CELF2: variants seen among roughly 807,000 people sequenced by gnomAD.
CELF2 encodes CUGBP Elav-like family member 2.
CELF2 carries 8 observed loss-of-function variants against 62.6 expected under a neutral mutation model. The ratio of observed to expected loss-of-function variants is 0.13; its 90% CI spans 0.07 to 0.23. The LOEUF (loss-of-function observed/expected upper bound fraction) is 0.23, where lower values mean the gene tolerates loss of function less well. CELF2 is among the 10% of genes least tolerant of loss of function. CELF2 has a pLI of 1.00. For synonymous variants in CELF2, 258 were observed against 250.0 expected (o/e 1.03, Z -0.30); for missense variants, 333 against 671.0 (o/e 0.50, Z 5.56).
rs2054778597 is a variant in CELF2 at position 11,110,240 on chromosome 10, C to T, written c.75-55246C>T. 1.3e-5 allele frequency among the ~76,000 whole-genome samples: 2 copies of T among 152,042 alleles called. No individual in the cohort carries two copies. Among genetic ancestry groups the T allele is most frequent in the South Asian group, 2.1e-4 (1 of 4,824 alleles). ...ATGGAACCCTGAACGTCCTACCGCA[C>T]TCCAGCATGGGCGACAGAGCAAGAC... On this transcript the variant is annotated intron_variant, in intron 1 of 12. Transcript: ENST00000633077. This position sits in a 1 kb window ranked among gnomAD's most constrained non-coding sequence, Gnocchi z 4.0.
intron 1 of CELF2, among the ~76,000 whole-genome samples, chr10:11,020,588 G>A (rs568503668): frequency 2.0e-4 from 30 of 152,244 alleles, no homozygotes; most frequent in African/African-American, 6.3e-4. Flanking sequence ...AATTGCAGTC[G>A]GCTAGATATT....
chr10:10,754,065 T>G, the CELF2 span, among the ~76,000 whole-genome samples: 50 of 148,638 alleles, frequency 3.4e-4, no homozygotes, highest in African/African-American at 9.1e-4. Flanking sequence ...GAGGTGGTTT[T>G]TTTTTTTTTT....
At chr10:10,729,433 G>T in the CELF2 span, among the ~76,000 whole-genome samples, 2 of 152,158 alleles carry the variant, frequency 1.3e-5, no homozygotes, top group Non-Finnish European at 2.9e-5. Flanking sequence ...AGGATAATTT[G>T]TGTTATGTTT....
At chr10:10,693,840 G>A in the CELF2 span, among the ~76,000 whole-genome samples, 934 of 151,266 alleles carry the variant, frequency 6.2e-3, 10 homozygotes, top group African/African-American at 0.021. Flanking sequence ...TTGTATTTCC[G>A]TGGGATCAGT....
At chr10:10,919,077 C>A (rs1328529802) in intron 1 of CELF2, among the ~76,000 whole-genome samples, 1 of 152,038 alleles carries the variant, frequency 6.6e-6, no homozygotes, top group South Asian at 2.1e-4. Context: ...TCGAGACTAG[C>A]CTGGTCAACG....
the CELF2 span, among the ~76,000 whole-genome samples, chr10:10,616,948 A>G: frequency 1.3e-5 from 2 of 151,926 alleles, no homozygotes; most frequent in Admixed American, 1.3e-4. Context: ...GTAGAGACAT[A>G]GTCTCGCTAT....
At chr10:10,686,763 T>C in the CELF2 span, among the ~76,000 whole-genome samples, 1 of 152,146 alleles carries the variant, frequency 6.6e-6, no homozygotes, top group African/African-American at 2.4e-5. Flanking sequence ...TAAACCTCTT[T>C]TCTTTATAAA....
rs1225764468 is a variant in CELF2 at position 11,178,315 on chromosome 10, C to A, written c.271+12633C>A. 1.3e-5 allele frequency among the ~76,000 whole-genome samples: 2 copies of A among 152,186 alleles called. No homozygotes were observed. Among genetic ancestry groups the A allele is most frequent in the Non-Finnish European group, 2.9e-5 (2 of 68,034 alleles). Reference sequence around the variant, plus strand: ...AGGCCACCATACAGCTGCCAGGTGGCGCTGGCTCTTAGCTGTTCTGCAAGT... The same window carrying A: ...AGGCCACCATACAGCTGCCAGGTGGAGCTGGCTCTTAGCTGTTCTGCAAGT... On this transcript the variant is annotated intron_variant, in intron 2 of 12. Transcript: ENST00000633077. The surrounding 1 kb of genome is among the most constrained non-coding windows in gnomAD (Gnocchi z 4.3).
the CELF2 span, among the ~76,000 whole-genome samples, chr10:10,612,440 TTG>T: frequency 1.3e-5 from 2 of 152,172 alleles, no homozygotes; most frequent in African/African-American, 4.8e-5. Flanking sequence ...GTTAAGAATT[TTG>T]TGTGTCAAGA....
At chr10:10,875,477 T>C (rs749179514) in intron 1 of CELF2, among the ~76,000 whole-genome samples, 1 of 152,242 alleles carries the variant, frequency 6.6e-6, no homozygotes, top group Non-Finnish European at 1.5e-5. Flanking sequence ...TAAAAATTGA[T>C]ACACAATCTT....
chr10:10,802,028 G>C (rs901508283), intron 1 of CELF2, among the ~76,000 whole-genome samples: 8 of 152,142 alleles, frequency 5.3e-5, no homozygotes, highest in South Asian at 2.1e-4. Flanking sequence ...TTCACCAAAA[G>C]ACATGCCAAT....
At chr10:10,507,055 T>G in the CELF2 span, among the ~76,000 whole-genome samples, 1 of 152,124 alleles carries the variant, frequency 6.6e-6, no homozygotes, top group Non-Finnish European at 1.5e-5. Context: ...TTGGGGTGTT[T>G]AGTTCTCAGT....
intron 1 of CELF2, among the ~76,000 whole-genome samples, chr10:10,914,531 G>T (rs1325405851): frequency 1.3e-5 from 2 of 152,128 alleles, no homozygotes; most frequent in African/African-American, 2.4e-5. Flanking sequence ...GGGGACACTT[G>T]TCTGCTATCT....
Position 10,910,055 on chromosome 10 carries a change from C to G in CELF2, c.54-9909C>G, listed in dbSNP as rs148189651. The stretch of plus-strand genomic sequence containing the variant: ...GGTATTTGCAAATCCCTCTTTGATC[C>G]AGAAATTATCAAGAGTAGAGATGAT... On this transcript the variant is annotated intron_variant, in intron 1 of 13. Coordinates refer to the CELF2 transcript ENST00000636488. 5.4e-3 allele frequency among the ~76,000 whole-genome samples: 829 copies of G among 152,224 alleles called. 1 individual carries two copies. Among genetic ancestry groups the G allele is most frequent in the Non-Finnish European group, 6.9e-3 (472 of 68,012 alleles).
chr10:10,679,671 T>C, the CELF2 span, among the ~76,000 whole-genome samples: 1 of 152,218 alleles, frequency 6.6e-6, no homozygotes, highest in Non-Finnish European at 1.5e-5. Flanking sequence ...TGAACTCTCA[T>C]ATATCCATCT....
At position 11,260,388 on chromosome 10, in the gene CELF2, A is replaced by G. The variant is rs1264529117; in HGVS notation, c.538+2516A>G. The stretch of plus-strand genomic sequence containing the variant: ...AGTAATGAACAGGATTGCCGCCTGC[A>G]GCGTTCAGAGCTCCTTGAGCATACA... On this transcript the variant is annotated intron_variant, in intron 5 of 12. Transcript: ENST00000633077. This position sits in a 1 kb window ranked among gnomAD's most constrained non-coding sequence, Gnocchi z 4.2. 1.3e-5 allele frequency among the ~76,000 whole-genome samples: 2 copies of G among 152,248 alleles called. No individual in the cohort carries two copies. Among genetic ancestry groups the G allele is most frequent in the African/African-American group, 4.8e-5 (2 of 41,466 alleles).
At chr10:11,234,102 G>A (rs963862403) in intron 3 of CELF2, among the ~76,000 whole-genome samples, 6 of 152,198 alleles carry the variant, frequency 3.9e-5, no homozygotes, top group Admixed American at 6.5e-5. Flanking sequence ...TGTATGATAC[G>A]AGACACACAT....
chr10:10,961,093 T>C (rs773195988), intron 2 of CELF2, among the ~76,000 whole-genome samples: 3 of 152,230 alleles, frequency 2.0e-5, no homozygotes, highest in Admixed American at 6.5e-5. Flanking sequence ...TAATATTTTT[T>C]GGGTCAGAAA....
intron 9 of CELF2, among the ~76,000 whole-genome samples, chr10:11,294,227 T>C (rs2092883135): frequency 6.6e-6 from 1 of 152,214 alleles, no homozygotes; most frequent in Non-Finnish European, 1.5e-5. Context: ...TACTCTAATG[T>C]GTGCTTTTGA....
Sources: gnomAD v4.1 joint callset for allele counts (sites outside exome capture counted in the v4.1 genomes callset) on GRCh38, gnomAD v4.1.1 for gene constraint, Gnocchi (gnomAD v3.1) non-coding constraint, MANE v1.5 for transcripts, NCBI Gene and HGNC (gene_info 2026-07-23, HGNC 2026-07-21) for gene names.